Variants in LARS2 observed in about 807,000 individuals in gnomAD.
LARS2 encodes leucine--tRNA ligase, mitochondrial.
LARS2 carries 81 observed loss-of-function variants against 116.6 expected under a neutral mutation model. That is an observed-to-expected ratio of 0.69 (90% CI 0.58 to 0.84). The LOEUF (loss-of-function observed/expected upper bound fraction) is 0.84, where lower values mean the gene tolerates loss of function less well. LARS2 is among the 40% of genes least tolerant of loss of function. The pLI, the probability that LARS2 is intolerant of heterozygous loss-of-function variation, is 0.00. For synonymous variants in LARS2, 396 were observed against 407.2 expected (o/e 0.97, Z 0.33); for missense variants, 968 against 1,114.5 (o/e 0.87, Z 1.87).
chr3:45,449,475 A>G (rs1699078150), intron 7 of LARS2, among the ~76,000 whole-genome samples: 1 of 152,072 alleles, frequency 6.6e-6, no homozygotes, highest in Non-Finnish European at 1.5e-5. Flanking sequence ...ACTCACTTTT[A>G]TAACAAGCCC....
rs114356189 is a variant in LARS2, at chr3:45,460,518, G to A, written c.750+1632G>A. 8.4e-3 allele frequency among the ~76,000 whole-genome samples: 1,280 copies of A among 152,310 alleles called. 16 individuals are homozygous for A. The highest frequency in any genetic ancestry group is 0.022 in the African/African-American group (903 of 41,566). On this transcript the variant is annotated intron_variant, in intron 8 of 21. Coordinates refer to ENST00000645846, the MANE Select transcript of LARS2 (RefSeq NM_015340.4). ...AGCATTATTCTTTAAATTGTCAGCT[G>A]TGAATTTTCAACTGTTCAGTGGAAA...
intron 21 of LARS2, among the ~76,000 whole-genome samples, chr3:45,543,845 C>T (rs939093425): frequency 1.3e-5 from 2 of 152,220 alleles, no homozygotes; most frequent in East Asian, 1.9e-4. Flanking sequence ...GTCCTCAGCC[C>T]GGTTGAGAAA....
In LARS2 at chr3:45,547,678, A is replaced by G. The variant is rs1170090223; in HGVS notation, c.*148A>G. ...GGTCCTGTGGCAGACTGCAGTCAAC[A>G]GTGTGCCTCTGTAGTGTGGCCTGGT... On this transcript the variant is annotated 3_prime_UTR_variant, in exon 22 of 22. Coordinates refer to ENST00000645846, the MANE Select transcript of LARS2 (RefSeq NM_015340.4). 5.7e-6 allele frequency: 4 copies of G among 700,906 alleles called. No individual in the cohort carries two copies. The highest frequency in any genetic ancestry group is 9.4e-6 in the Non-Finnish European group (4 of 424,684). The allele number at this position is 700,906 out of a possible 1,614,324, so 43.4% of individuals were successfully genotyped here. A position where few individuals can be genotyped will look rare whatever the true frequency, so the allele number is the denominator to read the frequency against.
At chr3:45,532,777 G>C (rs1265944037) in intron 20 of LARS2, among the ~76,000 whole-genome samples, 1 of 152,126 alleles carries the variant, frequency 6.6e-6, no homozygotes, top group Non-Finnish European at 1.5e-5. Context: ...GAGCAGCTGG[G>C]ATTACAGGCA....
chr3:45,533,590 T>C (rs537399576), intron 20 of LARS2, among the ~76,000 whole-genome samples: 1 of 152,324 alleles, frequency 6.6e-6, no homozygotes, highest in African/African-American at 2.4e-5. Flanking sequence ...TTGGCCCACT[T>C]TATCTGTCTA....
At chr3:45,401,171 G>C (rs1698142083) in intron 4 of LARS2, among the ~76,000 whole-genome samples, 1 of 152,134 alleles carries the variant, frequency 6.6e-6, no homozygotes, top group South Asian at 2.1e-4. Flanking sequence ...TATTTGGGGA[G>C]TAACAACTCT....
At chr3:45,417,149 GTA>G (rs1383481311) in intron 4 of LARS2, among the ~76,000 whole-genome samples, 1 of 150,822 alleles carries the variant, frequency 6.6e-6, no homozygotes, top group South Asian at 2.1e-4. Context: ...GTGTGTGTGT[GTA>G]TATATATATG....
chr3:45,456,064 T>C (rs1699208232), intron 7 of LARS2, among the ~76,000 whole-genome samples: 2 of 152,068 alleles, frequency 1.3e-5, no homozygotes, highest in Admixed American at 1.3e-4. Flanking sequence ...ACTGCAGGAA[T>C]ACATTTTGAG....
At chr3:45,494,925 G>A (rs373531500) in intron 13 of LARS2, among the ~76,000 whole-genome samples, 18 of 152,104 alleles carry the variant, frequency 1.2e-4, no homozygotes, top group African/African-American at 2.7e-4. Context: ...AAAATTAGCC[G>A]GGCATCATGG....
intron 11 of LARS2, 65 bp from the exon 12 acceptor site, chr3:45,488,632 T>C (rs2125730032): frequency 1.1e-6 from 1 of 933,566 alleles, no homozygotes; most frequent in Non-Finnish European, 1.8e-6. Flanking sequence ...GTGTCAGTAC[T>C]GTCAGTTGTT....
chr3:45,479,038 T>G (rs1699657813), intron 10 of LARS2, among the ~76,000 whole-genome samples: 1 of 152,110 alleles, frequency 6.6e-6, no homozygotes, highest in African/African-American at 2.4e-5. Context: ...GTTGAAGCAG[T>G]GACCACCGAG....
At chr3:45,500,192 G>A (rs1343950021) in intron 14 of LARS2, among the ~76,000 whole-genome samples, 1 of 152,108 alleles carries the variant, frequency 6.6e-6, no homozygotes. Context: ...AGTAGAGATG[G>A]GGTTTCGCCA....
At chr3:45,429,667 AGGT>A (rs1320250154) in intron 6 of LARS2, among the ~76,000 whole-genome samples, 1 of 143,900 alleles carries the variant, frequency 6.9e-6, no homozygotes, top group East Asian at 2.1e-4. Flanking sequence ...GACATCTTTG[AGGT>A]GGTAATTCAG....
chr3:45,411,086 A>G (rs854208), intron 4 of LARS2, among the ~76,000 whole-genome samples: 111,440 of 152,160 alleles, frequency 0.73, 42,307 homozygotes, highest in African/African-American at 0.88. Context: ...CACTGCGGGG[A>G]TCTAACTCAC....
In LARS2 at chr3:45,531,502, C is replaced by T. The variant is rs899609926; in HGVS notation, c.2404+7394C>T. 4.6e-5 allele frequency among the ~76,000 whole-genome samples: 7 copies of T among 152,060 alleles called. 1 individual carries two copies. In the South Asian group the frequency reaches 1.5e-3, roughly 32 times the overall value. The stretch of plus-strand genomic sequence containing the variant: ...AAGCAGACCTCGTGCCTCAGCCTCC[C>T]AAGTAGCTGGGACTGTAAGCACATG... On this transcript the variant is annotated intron_variant, in intron 20 of 21. Transcript: ENST00000645846.
At chr3:45,487,514 C>T (rs1405299968) in intron 11 of LARS2, among the ~76,000 whole-genome samples, 1 of 152,164 alleles carries the variant, frequency 6.6e-6, no homozygotes, top group Non-Finnish European at 1.5e-5. Flanking sequence ...TCTCAGTTTT[C>T]ACACAATGTG....
intron 4 of LARS2, among the ~76,000 whole-genome samples, chr3:45,410,420 A>G (rs890315027): frequency 6.6e-6 from 1 of 152,150 alleles, no homozygotes; most frequent in Non-Finnish European, 1.5e-5. Flanking sequence ...GCAATATTCA[A>G]GTGAAAATTG....
chr3:45,523,944 CCCGTGCTTA>C, intron 19 of LARS2, 44 bp from the exon 20 acceptor site: 1 of 1,298,708 alleles, frequency 7.7e-7, no homozygotes, highest in Non-Finnish European at 1.1e-6. Context: ...GTCTTTCTTA[CCCGTGCTTA>C]TTTTTACACC....
Position 45,541,812 on chromosome 3 carries a change from G to A in LARS2, c.2405-17G>A. On this transcript the variant is annotated splice_polypyrimidine_tract_variant and intron_variant, in intron 20 of 21. Coordinates refer to ENST00000645846, the MANE Select transcript of LARS2 (RefSeq NM_015340.4). ...GTTCTTAGAGTGACCCCACGCTTCT[G>A]TGCCTCGGCATTGCAGGCCTGGCGC... 3.1e-6 allele frequency: 5 copies of A among 1,613,844 alleles called. No homozygotes were observed. Among genetic ancestry groups the A allele is most frequent in the South Asian group, 1.1e-5 (1 of 91,044 alleles).
Sources: allele counts gnomAD v4.1 joint callset (sites outside exome capture counted in the v4.1 genomes callset), GRCh38; gene constraint gnomAD v4.1.1; transcripts MANE v1.5; gene names NCBI Gene and HGNC (gene_info 2026-07-23, HGNC 2026-07-21).